KMT2A: variants seen among roughly 807,000 people sequenced by gnomAD.
KMT2A encodes histone-lysine N-methyltransferase 2A.
In KMT2A, 16 loss-of-function variants were observed where a neutral mutation model predicts 345.3. That is an observed-to-expected ratio of 0.05 (90% confidence interval 0.03 to 0.07). KMT2A has a LOEUF of 0.07. KMT2A is among the 10% of genes least tolerant of loss of function. The pLI is 1.00. For missense variants in KMT2A, 3,272 were observed against 4,841.6 expected (o/e 0.68, Z 9.62); for synonymous variants, 1,599 against 1,778.6 (o/e 0.90, Z 2.54).
chr11:118,456,344 CT>C (rs879964617), intron 1 of KMT2A, among the ~76,000 whole-genome samples: 144 of 144,916 alleles, frequency 9.9e-4, no homozygotes, highest in Non-Finnish European at 1.1e-3. Flanking sequence ...AAAAATGAAC[CT>C]TTTTTTTTTT....
At position 118,501,879 on chromosome 11, in the gene KMT2A, C is replaced by T. The variant is rs782324246; in HGVS notation, c.6505+22C>T. 13 of 1,586,822 alleles carry T rather than the reference C, an allele frequency of 8.2e-6. No individual in the cohort carries two copies. In the Admixed American group the frequency reaches 1.4e-4, roughly 17 times the overall value. On this transcript the variant is annotated intron_variant, in intron 26 of 35. Transcript: ENST00000534358. ...GCAGGTAAAAGACTTTATTGACCTA[C>T]TTGACCTAAGAAGATCAGCCCAAAG...
At position 118,490,081 on chromosome 11, in the gene KMT2A, A is replaced by G; in HGVS notation, c.4576-48A>G. 6.4e-7 allele frequency: 1 copy of G among 1,568,958 alleles called. No homozygotes were observed. The highest frequency in any genetic ancestry group is 1.2e-5 in the South Asian group (1 of 84,646). On this transcript the variant is annotated intron_variant, in intron 12 of 35. Coordinates refer to ENST00000534358, the MANE Select transcript of KMT2A (RefSeq NM_001197104.2). The surrounding 1 kb of genome is among the most constrained non-coding windows in gnomAD (Gnocchi z 4.2). ...TTAAGATCTTTTTAGTTAAGTAAAGATATTAAAAACAAGAAATTCCTATTG... is the reference window on the plus strand; with the variant it reads ...TTAAGATCTTTTTAGTTAAGTAAAGGTATTAAAAACAAGAAATTCCTATTG...
rs1348672909 is a variant in KMT2A at position 118,473,105 on chromosome 11, A to G, written c.1946A>G (p.Asp649Gly). The change falls in exon 3 of 36, where the codon GAT (aspartate) becomes GGT (glycine). Residue 649 changes from aspartate to glycine, a missense_variant. By Grantham distance (94) the Asp-to-Gly change is moderately conservative. Around this residue, in one of 27 missense-constraint regions of KMT2A, gnomAD observed 114 missense variants for 203.2 expected, o/e 0.56. Coordinates refer to ENST00000534358, the MANE Select transcript of KMT2A (RefSeq NM_001197104.2). This position sits in a 1 kb window ranked among gnomAD's most constrained non-coding sequence, Gnocchi z 5.2. ...KEGLIRKPIF[D>G]NFRPPPLTPE... The stretch of plus-strand genomic sequence containing the variant: ...GGTCTTATTCGCAAACCAATATTTG[A>G]TAATTTCCGACCCCCTCCACTAACT... 1 of 1,614,058 alleles carries G rather than the reference A, an allele frequency of 6.2e-7. No individual in the cohort carries two copies. The highest frequency in any genetic ancestry group is 8.5e-7 in the Non-Finnish European group (1 of 1,180,040).
intron 31 of KMT2A, among the ~76,000 whole-genome samples, chr11:118,514,389 T>C (rs942280254): frequency 1.3e-4 from 19 of 151,914 alleles, no homozygotes; most frequent in African/African-American, 4.4e-4. Context: ...TCAAGATTCT[T>C]TGTTCTGCAG....
rs1178939991 is a variant in KMT2A, at chr11:118,513,937, C to CAA, written c.11146+1932_11146+1933dup. ...TGGGTGACAGAACAAGACCCTGTCT[C>CAA]AAAAAAAAAAAAAAAAAAAAAGAAA... On this transcript the variant is annotated intron_variant, in intron 31 of 35. Coordinates refer to ENST00000534358, the MANE Select transcript of KMT2A (RefSeq NM_001197104.2). 7.5e-3 allele frequency among the ~76,000 whole-genome samples: 352 copies of CAA among 46,954 alleles called. 2 individuals carry two copies. Among genetic ancestry groups the CAA allele is most frequent in the African/African-American group, 0.022 (260 of 11,928 alleles). 30.8% of individuals were successfully genotyped at this position (46,954 alleles called of 152,430 possible). A position where few individuals can be genotyped will look rare whatever the true frequency, so the allele number is the denominator to read the frequency against.
chr11:118,509,060 G>C (rs1489435993), intron 28 of KMT2A, 76 bp from the exon 29 acceptor site: 1 of 1,232,694 alleles, frequency 8.1e-7, no homozygotes, highest in African/African-American at 1.5e-5. Context: ...TACCACAGCT[G>C]TATAGAAAAT....
At chr11:118,499,758 C>T (rs1050895154) in intron 23 of KMT2A, 77 bp from the exon 24 acceptor site, 7 of 1,112,808 alleles carry the variant, frequency 6.3e-6, no homozygotes, top group East Asian at 4.7e-5. Context: ...CCAGCCTGGG[C>T]GACAGAGTGA....
At chr11:118,451,331 C>G (rs1380705952) in intron 1 of KMT2A, among the ~76,000 whole-genome samples, 2 of 151,920 alleles carry the variant, frequency 1.3e-5, no homozygotes, top group Non-Finnish European at 2.9e-5. Flanking sequence ...CCTTCCTCAG[C>G]CTCCTGAGTA....
At position 118,510,054 on chromosome 11, in the gene KMT2A, G is replaced by A; in HGVS notation, c.11007G>A (p.Lys3669=). 6.2e-7 allele frequency: 1 copy of A among 1,613,888 alleles called. No individual in the cohort carries two copies. Among genetic ancestry groups the A allele is most frequent in the Non-Finnish European group, 8.5e-7 (1 of 1,179,878 alleles). ...RKESITEKKP[K]KGLVFEISSD... ...AAAGCATTACTGAGAAAAAACCCAAGAAAGGACTTGTTTTTGAAATTTCCA... is the reference window on the plus strand; with the variant it reads ...AAAGCATTACTGAGAAAAAACCCAAAAAAGGACTTGTTTTTGAAATTTCCA... The change falls in exon 30 of 36, where the codon AAG becomes AAA. Residue 3669 remains lysine, a synonymous_variant. Transcript: ENST00000534358. The surrounding 1 kb of genome is among the most constrained non-coding windows in gnomAD (Gnocchi z 4.1).
Position 118,505,605 on chromosome 11 carries a change from C to A in KMT2A, c.9713C>A (p.Ala3238Asp), listed in dbSNP as rs782631753. 15 of 1,613,994 alleles carry A rather than the reference C, an allele frequency of 9.3e-6. 1 individual carries two copies. The Admixed American group carries it at 2.5e-4, about 27-fold the overall frequency. Reference protein sequence around the residue: ...RLQTRKNKKLAPSSTPSNIAP... With the variant: ...RLQTRKNKKLDPSSTPSNIAP... ...CAGACCCGAAAGAATAAAAAACTTG[C>A]TCCCTCTAGTACCCCTTCAAACATT... The change falls in exon 27 of 36, where the codon GCT becomes GAT. Residue 3238 changes from alanine (A) to aspartate (D), a missense_variant. This residue lies in a region of KMT2A where 748 missense variants were observed against 922.2 expected (regional missense o/e 0.81). Transcript: ENST00000534358. The surrounding 1 kb of genome is among the most constrained non-coding windows in gnomAD (Gnocchi z 4.6).
chr11:118,463,547 T>C (rs1338014685), intron 1 of KMT2A, among the ~76,000 whole-genome samples: 3 of 152,238 alleles, frequency 2.0e-5, no homozygotes, highest in African/African-American at 4.8e-5. Context: ...GCTAAAAGAA[T>C]AGCAATTTTT....
chr11:118,444,198 T>C (rs1949370632), intron 1 of KMT2A, among the ~76,000 whole-genome samples: 3 of 152,188 alleles, frequency 2.0e-5, no homozygotes, highest in Admixed American at 2.0e-4. Context: ...CTAATAAATA[T>C]CCTACACCTA....
chr11:118,483,171 T>G (rs994796922), intron 8 of KMT2A, among the ~76,000 whole-genome samples: 1 of 149,990 alleles, frequency 6.7e-6, no homozygotes, highest in Non-Finnish European at 1.5e-5. Context: ...AGGCGGAGGC[T>G]GCAGTGAGCC....
intron 3 of KMT2A, among the ~76,000 whole-genome samples, chr11:118,475,127 C>T (rs782425462): frequency 6.6e-6 from 1 of 152,070 alleles, no homozygotes; most frequent in Non-Finnish European, 1.5e-5. Flanking sequence ...GAGTAAGTCT[C>T]TATCTCAAAA....
At position 118,476,225 on chromosome 11, in the gene KMT2A, C is replaced by T. The variant is rs1445011892; in HGVS notation, c.3157-580C>T. On this transcript the variant is annotated intron_variant, in intron 3 of 35. Transcript: ENST00000534358. The surrounding 1 kb of genome is among the most constrained non-coding windows in gnomAD (Gnocchi z 4.1). The stretch of plus-strand genomic sequence containing the variant: ...ATACTTTCATTTATAAGTTATTTCA[C>T]CCCTACTTCTCTGATGATCAAGGAA... Among the ~76,000 whole-genome samples the T allele has an allele frequency of 6.6e-6, 1 of 152,168 alleles. No homozygotes were observed. Among genetic ancestry groups the T allele is most frequent in the Non-Finnish European group, 1.5e-5 (1 of 68,034 alleles).
intron 1 of KMT2A, among the ~76,000 whole-genome samples, chr11:118,459,333 C>G (rs1949703785): frequency 1.3e-5 from 2 of 152,142 alleles, no homozygotes; most frequent in Admixed American, 1.3e-4. Context: ...TCCCAAAGTG[C>G]TGGGATTACA....
chr11:118,472,352 A>G lies in KMT2A; in HGVS notation c.1193A>G (p.Lys398Arg), dbSNP rs144127791. The change falls in exon 3 of 36, where the codon AAG becomes AGG. Residue 398 changes from lysine (K) to arginine (R), a missense_variant. Lys to Arg is a conservative substitution (Grantham distance 26, BLOSUM62 2). Coordinates refer to ENST00000534358, the MANE Select transcript of KMT2A (RefSeq NM_001197104.2). ...EKEAAQLQGR[K>R]VKTQVKNIRQ... ...GAAGCAGCTCAGCTGCAGGGAAGAA[A>G]GGTGAAGACACAGGTCAAAAATATT... 73 of 1,614,134 alleles carry G rather than the reference A, an allele frequency of 4.5e-5. No individual in the cohort carries two copies. In the African/African-American group the frequency reaches 8.1e-4, roughly 18 times the overall value.
At chr11:118,437,090 C>A in intron 1 of KMT2A, 146 bp downstream of exon 1, 1 of 1,004,594 alleles carries the variant, frequency 1.0e-6, no homozygotes, top group Non-Finnish European at 1.4e-6. Flanking sequence ...CATCTTGGGA[C>A]CCCCATGCAG....
Position 118,491,090 on chromosome 11 carries a change from C to A in KMT2A, c.4697-106C>A. The stretch of plus-strand genomic sequence containing the variant: ...GTAGATCCATGCTGGTGTTCATGAT[C>A]CCAGAAGAATATAGATTTAGATTGG... On this transcript the variant is annotated intron_variant, in intron 13 of 35. Transcript: ENST00000534358. This position sits in a 1 kb window ranked among gnomAD's most constrained non-coding sequence, Gnocchi z 4.2. 8.6e-7 allele frequency: 1 copy of A among 1,157,396 alleles called. No homozygotes were observed. Among genetic ancestry groups the A allele is most frequent in the Non-Finnish European group, 1.2e-6 (1 of 814,584 alleles). The allele number at this position is 1,157,396 out of a possible 1,614,324, so 71.7% of individuals were successfully genotyped here.
Sources: gnomAD v4.1 joint callset for allele counts (sites outside exome capture counted in the v4.1 genomes callset) on GRCh38, gnomAD v4.1.1 for gene constraint, gnomAD v4.1.1 regional missense constraint, Gnocchi (gnomAD v3.1) non-coding constraint, MANE v1.5 for transcripts, NCBI Gene and HGNC (gene_info 2026-07-23, HGNC 2026-07-21) for gene names.